NUMB: variants seen among roughly 807,000 people sequenced by gnomAD.
The protein encoded by NUMB is NUMB endocytic adaptor protein.
A neutral mutation model predicts 59.7 loss-of-function variants in NUMB; 29 were observed. The observed-to-expected ratio is 0.49, with a 90% CI of 0.36 to 0.66. NUMB has a LOEUF of 0.66. NUMB is among the 30% of genes least tolerant of loss of function. NUMB has a pLI of 0.00. For synonymous variants in NUMB, 288 were observed against 288.2 expected (o/e 1.00, Z 0.01); for missense variants, 723 against 822.0 (o/e 0.88, Z 1.47).
At chr14:73,338,454 A>T (rs1892464385) in intron 4 of NUMB, among the ~76,000 whole-genome samples, 1 of 152,182 alleles carries the variant, frequency 6.6e-6, no homozygotes, top group East Asian at 1.9e-4. Flanking sequence ...ATCATCTTTC[A>T]TCTGGATTTT....
intron 2 of NUMB, among the ~76,000 whole-genome samples, chr14:73,397,111 G>C (rs1482232124): frequency 6.6e-6 from 1 of 152,156 alleles, no homozygotes; most frequent in East Asian, 1.9e-4. Context: ...GCAACAGAGT[G>C]AGTGATATGC....
intron 2 of NUMB, among the ~76,000 whole-genome samples, chr14:73,403,526 A>G (rs1360970131): frequency 1.3e-5 from 2 of 152,258 alleles, no homozygotes; most frequent in Non-Finnish European, 2.9e-5. Flanking sequence ...AGCTGAGGAA[A>G]GAATGAGAGA....
intron 2 of NUMB, among the ~76,000 whole-genome samples, chr14:73,369,975 A>G (rs1894581496): frequency 6.6e-6 from 1 of 152,224 alleles, no homozygotes; most frequent in Non-Finnish European, 1.5e-5. Flanking sequence ...AAAAAGAATC[A>G]TACAATATTA....
At chr14:73,367,158 AGTAACT>A (rs1894381027) in intron 2 of NUMB, among the ~76,000 whole-genome samples, 177 bp from the exon 3 acceptor site, 1 of 151,664 alleles carries the variant, frequency 6.6e-6, no homozygotes, top group Admixed American at 6.6e-5. Context: ...AAGTTACTCC[AGTAACT>A]GTAAGATCCA....
intron 6 of NUMB, among the ~76,000 whole-genome samples, chr14:73,304,586 A>T (rs930164987): frequency 4.0e-5 from 6 of 150,896 alleles, no homozygotes; most frequent in African/African-American, 1.5e-4. Flanking sequence ...AGGATTACAG[A>T]TGTGAGCCAC....
intron 9 of NUMB, chr14:73,284,682 T>C: frequency 4.3e-6 from 1 of 231,254 alleles, no homozygotes; most frequent in Non-Finnish European, 8.5e-6. Context: ...TCCTAATATG[T>C]AGTCTTTTAA....
intron 1 of NUMB, among the ~76,000 whole-genome samples, chr14:73,446,325 A>G (rs1043817625): frequency 1.3e-4 from 20 of 152,146 alleles, no homozygotes; most frequent in African/African-American, 4.6e-4. Flanking sequence ...AAAAAATCCT[A>G]AACTGGGCGC....
chr14:73,391,519 C>T (rs546553972), intron 2 of NUMB, among the ~76,000 whole-genome samples: 1 of 151,916 alleles, frequency 6.6e-6, no homozygotes, highest in South Asian at 2.1e-4. Flanking sequence ...ACTAATTACT[C>T]TAACAATGAT....
At chr14:73,410,205 A>T (rs1221332820) in intron 1 of NUMB, 137 bp from the exon 2 acceptor site, 1 of 152,264 alleles carries the variant, frequency 6.6e-6, no homozygotes, top group Non-Finnish European at 1.5e-5. Context: ...TTCACTAAAA[A>T]TAGAGTTGGC....
chr14:73,373,761 T>G (rs1447134547), intron 2 of NUMB, among the ~76,000 whole-genome samples: 1 of 150,368 alleles, frequency 6.7e-6, no homozygotes, highest in East Asian at 2.0e-4. Flanking sequence ...TAGGATGCAG[T>G]GCAGGATCAC....
intron 1 of NUMB, among the ~76,000 whole-genome samples, chr14:73,446,902 A>C (rs183395625): frequency 3.3e-5 from 5 of 151,752 alleles, no homozygotes; most frequent in African/African-American, 9.7e-5. Flanking sequence ...TAAAAATAAA[A>C]ATAAGGCCGG....
chr14:73,412,292 A>G (rs1221680040), intron 1 of NUMB, among the ~76,000 whole-genome samples: 1 of 152,008 alleles, frequency 6.6e-6, no homozygotes, highest in Non-Finnish European at 1.5e-5. Flanking sequence ...TATCCCATTT[A>G]ATCCTCAATA....
chr14:73,426,982 G>A (rs1018128961), intron 1 of NUMB, among the ~76,000 whole-genome samples: 24 of 152,104 alleles, frequency 1.6e-4, no homozygotes, highest in Admixed American at 1.2e-3. Context: ...CCACTGTACC[G>A]CAGTCCAGTC....
intron 2 of NUMB, among the ~76,000 whole-genome samples, chr14:73,400,538 G>C (rs966822949): frequency 2.0e-5 from 3 of 152,148 alleles, no homozygotes; most frequent in African/African-American, 7.2e-5. Context: ...GGCACCTCTG[G>C]AGTGATGAGT....
chr14:73,329,951 G>A (rs1428768984), intron 4 of NUMB, among the ~76,000 whole-genome samples: 1 of 152,180 alleles, frequency 6.6e-6, no homozygotes, highest in Non-Finnish European at 1.5e-5. Flanking sequence ...GTTGAAAACT[G>A]CACCTCCTGT....
At chr14:73,389,070 G>C (rs2140094388) in intron 2 of NUMB, among the ~76,000 whole-genome samples, 1 of 141,684 alleles carries the variant, frequency 7.1e-6, no homozygotes, top group African/African-American at 2.6e-5. Flanking sequence ...CTGCACTCCA[G>C]CCTAGGCGAC....
At chr14:73,353,072 GTTTTTTTTTTTTTTTTTTTTT>G (rs71112737) in intron 4 of NUMB, among the ~76,000 whole-genome samples, 1 of 58,514 alleles carries the variant, frequency 1.7e-5, no homozygotes, top group African/African-American at 5.7e-5. Flanking sequence ...AGTTTTTCTT[GTTTTTTTTTTTTTTTTTTTTT>G]TTTTTTTTGA....
chr14:73,288,720 A>G (rs1344432644), intron 8 of NUMB, among the ~76,000 whole-genome samples: 1 of 150,174 alleles, frequency 6.7e-6, no homozygotes, highest in Non-Finnish European at 1.5e-5. Flanking sequence ...TTAGCCAGGC[A>G]TGATGGCGCA....
intron 2 of NUMB, among the ~76,000 whole-genome samples, chr14:73,386,009 C>T (rs965128775): frequency 1.3e-5 from 2 of 152,228 alleles, no homozygotes; most frequent in South Asian, 2.1e-4. Flanking sequence ...CCTTAACTAG[C>T]GGGCTTTTCT....
Sources: gnomAD v4.1 joint callset for allele counts (sites outside exome capture counted in the v4.1 genomes callset) on GRCh38, gnomAD v4.1.1 for gene constraint, MANE v1.5 for transcripts, NCBI Gene and HGNC (gene_info 2026-07-23, HGNC 2026-07-21) for gene names.